The following SLC27A2 variants were observed in gnomAD, a reference collection of about 807,000 sequenced individuals.
SLC27A2 encodes the protein solute carrier family 27 member 2, also known as long-chain fatty acid transport protein 2.
A neutral mutation model predicts 60.0 loss-of-function variants in SLC27A2; 54 were observed. The observed-to-expected ratio is 0.90, with a 90% CI of 0.72 to 1.13. The LOEUF is 1.13. Ranked by LOEUF, SLC27A2 falls within the 50% of genes most tolerant of loss-of-function variation. The probability of loss-of-function intolerance (pLI) is 0.00; values close to 1 mark genes in which losing one functional copy is unlikely to be tolerated. For synonymous variants in SLC27A2, 297 were observed against 297.6 expected, an observed-to-expected ratio of 1.00 and a Z score of 0.02; for missense variants, 739 against 777.6, an observed-to-expected ratio of 0.95 and a Z score of 0.59.
At chr15:50,216,646 A>G (rs1221919142) in intron 4 of SLC27A2, among the ~76,000 whole-genome samples, 9 of 109,470 alleles carry the variant, frequency 8.2e-5, no homozygotes, top group African/African-American at 1.0e-4. Flanking sequence ...ATATATATAT[A>G]TATATATATA....
chr15:50,233,154 G>A (rs1567439523), intron 8 of SLC27A2, among the ~76,000 whole-genome samples: 1 of 152,136 alleles, frequency 6.6e-6, no homozygotes, highest in Non-Finnish European at 1.5e-5. Context: ...TAATGGGAGG[G>A]CACAAAACAG....
rs778436121 is a variant in SLC27A2 at position 50,205,399 on chromosome 15, G to A, written c.972+36G>A. The A allele has an allele frequency of 2.5e-6, 4 of 1,574,100 alleles. No homozygotes were observed. The South Asian group carries it at 3.5e-5, about 14-fold the overall frequency. ...CCCCGTTTTACTATCATTTTGAAATGGGTAAGATGGAAATTCAAGTCACTT... is the reference window on the plus strand; with the variant it reads ...CCCCGTTTTACTATCATTTTGAAATAGGTAAGATGGAAATTCAAGTCACTT... On this transcript the variant is annotated intron_variant, in intron 4 of 9. Transcript: ENST00000267842.
Position 50,182,766 on chromosome 15 carries a change from C to G in SLC27A2, c.339C>G (p.Asn113Lys), listed in dbSNP as rs765230534. Reference protein sequence around the residue: ...QGDCVALLMGNEPAYVWLWLG... With the variant: ...QGDCVALLMGKEPAYVWLWLG... The stretch of plus-strand genomic sequence containing the variant: ...ACTGCGTGGCGCTCCTTATGGGTAA[C>G]GAGCCGGCCTACGTGTGGCTGTGGC... Residue 113 changes from asparagine to lysine, a missense_variant, in exon 1 of 10, where the codon AAC becomes AAG. By Grantham distance (94) the Asn-to-Lys change is moderately conservative (BLOSUM62 0). Coordinates refer to ENST00000267842, the MANE Select transcript of SLC27A2 (RefSeq NM_003645.4). 14 of 1,613,910 alleles carry G rather than the reference C, an allele frequency of 8.7e-6. No individual in the cohort carries two copies. The highest frequency in any genetic ancestry group is 1.2e-5 in the Non-Finnish European group (14 of 1,179,966).
intron 5 of SLC27A2, 73 bp downstream of exon 5, chr15:50,223,232 T>C: frequency 8.9e-7 from 1 of 1,124,778 alleles, no homozygotes; most frequent in Non-Finnish European, 1.3e-6. Flanking sequence ...AGCCAAGTCA[T>C]GATGATGTTA....
At chr15:50,203,652 G>A (rs761595387) in intron 3 of SLC27A2, among the ~76,000 whole-genome samples, 8 of 151,850 alleles carry the variant, frequency 5.3e-5, no homozygotes, top group Non-Finnish European at 1.0e-4. Flanking sequence ...ACATATATGC[G>A]TGTGTGTATA....
chr15:50,192,799 A>AAAAAG (rs1555500297), intron 1 of SLC27A2, among the ~76,000 whole-genome samples: 16 of 151,604 alleles, frequency 1.1e-4, no homozygotes, highest in South Asian at 2.1e-4. Flanking sequence ...AAAAAAAAAA[A>AAAAAG]AAGAAGAAGA....
At chr15:50,223,513 G>A (rs896727704) in intron 5 of SLC27A2, among the ~76,000 whole-genome samples, 8 of 151,642 alleles carry the variant, frequency 5.3e-5, no homozygotes, top group Non-Finnish European at 1.2e-4. Flanking sequence ...CTTTAATTGT[G>A]TCGTGCAGCA....
rs958468385 is a variant in SLC27A2, at chr15:50,182,236, C to T, written c.-192C>T. 2.2e-6 allele frequency: 2 copies of T among 915,506 alleles called. No individual in the cohort carries two copies. Among genetic ancestry groups the T allele is most frequent in the South Asian group, 3.8e-5 (1 of 26,158 alleles). 56.7% of individuals were successfully genotyped at this position (915,506 alleles called of 1,614,324 possible). A position where few individuals can be genotyped will look rare whatever the true frequency, so the allele number is the denominator to read the frequency against. On this transcript the variant is annotated 5_prime_UTR_variant, in exon 1 of 10. Coordinates refer to ENST00000267842, the MANE Select transcript of SLC27A2 (RefSeq NM_003645.4). ...CCCCGGCAACGCGCATACGACTACA[C>T]CTGCTCCGGAGCCCGCGGCGGTACC...
Position 50,236,173 on chromosome 15 carries a change from T to C in SLC27A2, c.*77T>C. 1.6e-6 allele frequency: 2 copies of C among 1,281,076 alleles called. No individual in the cohort carries two copies. The highest frequency in any genetic ancestry group is 3.0e-5 in the African/African-American group (2 of 66,680). 79.4% of individuals were successfully genotyped at this position (1,281,076 alleles called of 1,614,324 possible). On this transcript the variant is annotated 3_prime_UTR_variant, in exon 10 of 10. Coordinates refer to ENST00000267842, the MANE Select transcript of SLC27A2 (RefSeq NM_003645.4). ...CCACTTGATATAATCCAACTTTAATTTGATTGAAGATTGTGAGGAAATTTT... is the reference window on the plus strand; with the variant it reads ...CCACTTGATATAATCCAACTTTAATCTGATTGAAGATTGTGAGGAAATTTT...
In SLC27A2 at chr15:50,182,517, A is replaced by C. The variant is rs2044864586; in HGVS notation, c.90A>C (p.Ile30=). 1 of 1,612,344 alleles carries C rather than the reference A, an allele frequency of 6.2e-7. No homozygotes were observed. Among genetic ancestry groups the C allele is most frequent in the Non-Finnish European group, 8.5e-7 (1 of 1,179,360 alleles). ...GCTGCCCATACTTCTTCCAGGACAT[A>C]GGCTACTTCTTGAAGGTGGCCGCCG... ...NLCCPYFFQD[I]GYFLKVAAVG... is the part of the protein sequence containing the mutation. The change falls in exon 1 of 10, where the codon ATA becomes ATC. Residue 30 remains isoleucine, a synonymous_variant. Coordinates refer to ENST00000267842, the MANE Select transcript of SLC27A2 (RefSeq NM_003645.4).
intron 4 of SLC27A2, among the ~76,000 whole-genome samples, chr15:50,222,334 G>A (rs2045248890): frequency 6.6e-6 from 1 of 152,072 alleles, no homozygotes; most frequent in South Asian, 2.1e-4. Flanking sequence ...CTGTTAAATG[G>A]GGCAGGGCAT....
chr15:50,224,333 G>A (rs75217875), intron 5 of SLC27A2, among the ~76,000 whole-genome samples: 17,617 of 152,078 alleles, frequency 0.12, 1,046 homozygotes, highest in Middle Eastern at 0.16. Context: ...CCAGCTACTC[G>A]GGAGGCTGAG....
At chr15:50,186,303 G>C (rs912294223) in intron 1 of SLC27A2, among the ~76,000 whole-genome samples, 1 of 152,142 alleles carries the variant, frequency 6.6e-6, no homozygotes, top group African/African-American at 2.4e-5. Flanking sequence ...GTAAGACTAT[G>C]TTGGGGCCCA....
chr15:50,224,493 C>T (rs978153887), intron 5 of SLC27A2, among the ~76,000 whole-genome samples: 1 of 152,156 alleles, frequency 6.6e-6, no homozygotes, highest in Non-Finnish European at 1.5e-5. Flanking sequence ...GGCTATAGCC[C>T]AATGCCTGTC....
At chr15:50,196,050 T>A (rs1567428260) in intron 1 of SLC27A2, among the ~76,000 whole-genome samples, 2 of 15,064 alleles carry the variant, frequency 1.3e-4, no homozygotes, top group South Asian at 2.8e-3. Context: ...CCAGACTCTG[T>A]CTCAAAAAAA....
Position 50,236,297 on chromosome 15 carries a change from C to T in SLC27A2, c.*201C>T. ...GAGATTATTATTTTTCAGTGTGCAC[C>T]TACTGTTTGTATTTGCAAACTGAGC... On this transcript the variant is annotated 3_prime_UTR_variant, in exon 10 of 10. Transcript: ENST00000267842. 1 of 430,352 alleles carries T rather than the reference C, an allele frequency of 2.3e-6. No individual in the cohort carries two copies. The highest frequency in any genetic ancestry group is 7.0e-5 in the South Asian group (1 of 14,326). 26.7% of individuals were successfully genotyped at this position (430,352 alleles called of 1,614,324 possible). A position where few individuals can be genotyped will look rare whatever the true frequency, so the allele number is the denominator to read the frequency against.
In SLC27A2 at chr15:50,233,918, G is replaced by C. The variant is rs1365369172; in HGVS notation, c.1606G>C (p.Glu536Gln). The change falls in exon 9 of 10, where the codon GAA becomes CAA. Residue 536 changes from glutamate (E) to glutamine (Q), a missense_variant. Physicochemically the swap from Glu to Gln is conservative, Grantham distance 29. Transcript: ENST00000267842. ...MASIKMKENH[E>Q]FDGKKLFQHI... Reference sequence around the variant, plus strand: ...CTCCATCAAAATGAAAGAAAACCATGAATTTGATGGAAAGAAACTCTTTCA... The same window carrying C: ...CTCCATCAAAATGAAAGAAAACCATCAATTTGATGGAAAGAAACTCTTTCA... The C allele has an allele frequency of 2.5e-6, 4 of 1,613,624 alleles. No individual in the cohort carries two copies. Among genetic ancestry groups the C allele is most frequent in the African/African-American group, 1.3e-5 (1 of 74,898 alleles).
chr15:50,218,732 A>G (rs951537999), intron 4 of SLC27A2, among the ~76,000 whole-genome samples: 1 of 152,136 alleles, frequency 6.6e-6, no homozygotes, highest in Non-Finnish European at 1.5e-5. Flanking sequence ...CCATGTACAT[A>G]CTCCCCTTCG....
intron 1 of SLC27A2, among the ~76,000 whole-genome samples, chr15:50,186,542 A>G (rs1234438973): frequency 6.6e-6 from 1 of 152,196 alleles, no homozygotes; most frequent in Non-Finnish European, 1.5e-5. Context: ...GGTTCAAGCC[A>G]TTCTCCTACC....
Sources: allele counts gnomAD v4.1 joint callset (sites outside exome capture counted in the v4.1 genomes callset), GRCh38; gene constraint gnomAD v4.1.1; transcripts MANE v1.5; gene names NCBI Gene and HGNC (gene_info 2026-07-23, HGNC 2026-07-21).